Variants in POU2F2 observed in about 807,000 individuals in gnomAD.
The protein encoded by POU2F2 is POU class 2 homeobox 2, also known as POU domain, class 2, transcription factor 2.
In POU2F2, 14 loss-of-function variants were observed where a neutral mutation model predicts 63.5. That is an observed-to-expected ratio of 0.22 (90% CI 0.15 to 0.34). POU2F2 has a LOEUF of 0.34. POU2F2 is among the 10% of genes least tolerant of loss of function. POU2F2 has a pLI of 1.00. For synonymous variants in POU2F2, 306 were observed against 348.6 expected (o/e 0.88, Z 1.36); for missense variants, 607 against 815.2 (o/e 0.74, Z 3.11).
In POU2F2 at chr19:42,091,215, AGGCAGGGACCAG is replaced by A. The variant is rs537463601; in HGVS notation, c.*30_*41del. 37 of 1,490,020 alleles carry A rather than the reference AGGCAGGGACCAG, an allele frequency of 2.5e-5. No homozygotes were observed. In the East Asian group the frequency reaches 9.1e-4, roughly 37 times the overall value. 92.3% of individuals were successfully genotyped at this position (1,490,020 alleles called of 1,614,324 possible). On this transcript the variant is annotated 3_prime_UTR_variant, in exon 15 of 15. Transcript: ENST00000692977. Reference sequence around the variant, plus strand: ...CGCCCTCTTCCCAGGCAAGGGACCAAGGCAGGGACCAGAGGAATGGGAGGGGAGGCATGGCTG... The same window carrying A: ...CGCCCTCTTCCCAGGCAAGGGACCAAAGGAATGGGAGGGGAGGCATGGCTG...
intron 1 of POU2F2, among the ~76,000 whole-genome samples, chr19:42,175,360 C>T (rs1010219527): frequency 2.6e-5 from 4 of 152,132 alleles, no homozygotes; most frequent in Admixed American, 6.5e-5. Context: ...CTTTCCCTGG[C>T]ACCCTGTTGA....
intron 1 of POU2F2, among the ~76,000 whole-genome samples, chr19:42,192,112 A>T (rs536882720): frequency 1.3e-5 from 2 of 152,294 alleles, no homozygotes; most frequent in East Asian, 3.9e-4. Context: ...GGATGACTAA[A>T]GTGGGATGAA....
At chr19:42,124,243 A>G (rs1459488594) in intron 1 of POU2F2, among the ~76,000 whole-genome samples, 2 of 151,336 alleles carry the variant, frequency 1.3e-5, no homozygotes, top group African/African-American at 4.9e-5. Flanking sequence ...GGTCAAGGCT[A>G]CAGTGAGCTG....
At chr19:42,190,983 C>T (rs1025193146) in intron 1 of POU2F2, among the ~76,000 whole-genome samples, 3 of 150,768 alleles carry the variant, frequency 2.0e-5, no homozygotes, top group African/African-American at 4.9e-5. Context: ...ACAAGAATCA[C>T]GTGAACCCAA....
chr19:42,093,704 C>T, intron 12 of POU2F2, 125 bp downstream of exon 12: 1 of 948,236 alleles, frequency 1.1e-6, no homozygotes, highest in African/African-American at 1.6e-5. Flanking sequence ...TCTCCCATTC[C>T]CCCACCCACA....
Position 42,173,602 on chromosome 19 carries a change from G to A in POU2F2, c.-70+2361C>T, listed in dbSNP as rs145227966. ...ACCTGGCCAGCATGCTGTCTAGGACGTATAGGCTAACAACCTCTACACACA... is the reference window on the plus strand; with the variant it reads ...ACCTGGCCAGCATGCTGTCTAGGACATATAGGCTAACAACCTCTACACACA... On this transcript the variant is annotated intron_variant, in intron 1 of 6. Transcript: ENST00000524801. 1.8e-4 allele frequency among the ~76,000 whole-genome samples: 27 copies of A among 150,178 alleles called. No homozygotes were observed. In the East Asian group the frequency reaches 5.3e-3, roughly 29 times the overall value.
upstream of POU2F2, among the ~76,000 whole-genome samples, chr19:42,179,196 A>AG (rs942820868): frequency 6.6e-6 from 1 of 151,618 alleles, no homozygotes; most frequent in Non-Finnish European, 1.5e-5. Context: ...GGAAGCACCA[A>AG]GGGGGAAAGG....
upstream of POU2F2, chr19:42,133,560 TG>T (rs2033905243): frequency 6.5e-6 from 1 of 154,332 alleles, no homozygotes. The surrounding 1 kb of genome is among the most constrained non-coding windows in gnomAD (Gnocchi z 5.1). Context: ...AAACCACAGG[TG>T]CATGCACAGA....
intron 7 of POU2F2, 149 bp downstream of exon 7, chr19:42,099,378 G>A (rs2077042039): frequency 1.4e-6 from 1 of 695,576 alleles, no homozygotes; most frequent in Non-Finnish European, 2.5e-6. Context: ...AGGGAGATGG[G>A]CTTGCCTGAG....
At chr19:42,186,240 G>A (rs1322889931) in intron 1 of POU2F2, among the ~76,000 whole-genome samples, 1 of 152,070 alleles carries the variant, frequency 6.6e-6, no homozygotes, top group African/African-American at 2.4e-5. Flanking sequence ...CAGGAGAATG[G>A]TGTGAACCCG....
rs1038621993 is a variant in POU2F2, at chr19:42,096,285, C to T, written c.568-42G>A. 1 of 1,494,904 alleles carries T rather than the reference C, an allele frequency of 6.7e-7. No homozygotes were observed. The highest frequency in any genetic ancestry group is 8.9e-7 in the Non-Finnish European group (1 of 1,119,864). 92.6% of individuals were successfully genotyped at this position (1,494,904 alleles called of 1,614,324 possible). Reference sequence around the variant, plus strand: ...GTGGGTGGGATGCAGGGCGGAGGACCAGGATGGGGCTCAGCGATGGGTGCA... The same window carrying T: ...GTGGGTGGGATGCAGGGCGGAGGACTAGGATGGGGCTCAGCGATGGGTGCA... On this transcript the variant is annotated intron_variant, in intron 7 of 14. Coordinates refer to ENST00000692977, the MANE Select transcript of POU2F2 (RefSeq NM_001394376.1). This position sits in a 1 kb window ranked among gnomAD's most constrained non-coding sequence, Gnocchi z 4.1.
At chr19:42,121,617 G>A (rs78341076) in intron 4 of POU2F2, among the ~76,000 whole-genome samples, 1,959 of 152,288 alleles carry the variant, frequency 0.013, 20 homozygotes, top group Non-Finnish European at 0.021. Flanking sequence ...GACCAGGCTG[G>A]AGGGTGGAGA....
intron 5 of POU2F2, among the ~76,000 whole-genome samples, chr19:42,107,759 C>A (rs1347691967): frequency 1.3e-5 from 2 of 152,108 alleles, no homozygotes; most frequent in East Asian, 3.8e-4. Flanking sequence ...GAGTCCAAGT[C>A]CCTGTTTTAA....
At chr19:42,177,667 G>C (rs897370046), upstream of POU2F2, among the ~76,000 whole-genome samples, 1 of 149,742 alleles carries the variant, frequency 6.7e-6, no homozygotes, top group Non-Finnish European at 1.5e-5. Context: ...GAGACACACG[G>C]ACACACAGAG....
rs901052908 is a variant in POU2F2 at position 42,086,712 on chromosome 19, C to G, written c.*4545G>C. The G allele has an allele frequency of 6.6e-6, 1 of 152,132 alleles. No homozygotes were observed. The highest frequency in any genetic ancestry group is 1.5e-5 in the Non-Finnish European group (1 of 68,058). The allele number at this position is 152,132 out of a possible 1,614,324, so 9.4% of individuals were successfully genotyped here. A position where few individuals can be genotyped will look rare whatever the true frequency, so the allele number is the denominator to read the frequency against. ...CTCTACGAGTTGCCGAGAGAGGCCCCCAGTCACCCTGCAATTATATAAATA... is the reference window on the plus strand; with the variant it reads ...CTCTACGAGTTGCCGAGAGAGGCCCGCAGTCACCCTGCAATTATATAAATA... On this transcript the variant is annotated 3_prime_UTR_variant, in exon 15 of 15. Transcript: ENST00000692977.
In POU2F2 at chr19:42,088,238, T is replaced by C. The variant is rs974335337; in HGVS notation, c.*3019A>G. 1 of 152,286 alleles carries C rather than the reference T, an allele frequency of 6.6e-6. No individual in the cohort carries two copies. Among genetic ancestry groups the C allele is most frequent in the African/African-American group, 2.4e-5 (1 of 41,462 alleles). The allele number at this position is 152,286 out of a possible 1,614,324, so 9.4% of individuals were successfully genotyped here. On this transcript the variant is annotated 3_prime_UTR_variant, in exon 15 of 15. Transcript: ENST00000692977. ...AGTTAAAGCTTGGGATTTGGTTATT[T>C]TTCCCCCTCCCAGGAATTTTTTTTT...
rs372110956 is a variant in POU2F2 at position 42,099,462 on chromosome 19, G to A, written c.567+65C>T. On this transcript the variant is annotated intron_variant, in intron 7 of 14. Coordinates refer to ENST00000692977, the MANE Select transcript of POU2F2 (RefSeq NM_001394376.1). ...AGACTCTCACTCATCCCCCACCCCC[G>A]TTTACCCAGCTTTCAGCAGGCCTTG... 4.2e-4 allele frequency: 597 copies of A among 1,429,836 alleles called. 9 individuals are homozygous for A. The South Asian group carries it at 5.7e-3, about 14-fold the overall frequency. The allele number at this position is 1,429,836 out of a possible 1,614,324, so 88.6% of individuals were successfully genotyped here.
chr19:42,096,240 C>G lies in POU2F2; in HGVS notation c.571G>C (p.Val191Leu). The G allele has an allele frequency of 8.0e-7, 1 of 1,251,032 alleles. No individual in the cohort carries two copies. The highest frequency in any genetic ancestry group is 1.1e-6 in the Non-Finnish European group (1 of 903,780). The allele number at this position is 1,251,032 out of a possible 1,614,324, so 77.5% of individuals were successfully genotyped here. The change falls in exon 8 of 15, where the codon GTG becomes CTG. Residue 191 changes from valine to leucine, a missense_variant. Val to Leu is a conservative substitution (Grantham distance 32). Around this residue, in one of 7 missense-constraint regions of POU2F2, gnomAD observed 224 missense variants for 264.3 expected, o/e 0.85. Coordinates refer to ENST00000692977, the MANE Select transcript of POU2F2 (RefSeq NM_001394376.1). This position sits in a 1 kb window ranked among gnomAD's most constrained non-coding sequence, Gnocchi z 4.1. ...GGGTCGGGCAGCGTAGGGCGGGTCACGGCCTGGTGGGGTGGGCAGGTGGGT... is the reference window on the plus strand; with the variant it reads ...GGGTCGGGCAGCGTAGGGCGGGTCAGGGCCTGGTGGGGTGGGCAGGTGGGT... ...QPRAGLPTQA[V>L]TRPTLPDPHL...
chr19:42,091,604 G>A lies in POU2F2; in HGVS notation c.1541-13C>T. 1 of 1,542,394 alleles carries A rather than the reference G, an allele frequency of 6.5e-7. No homozygotes were observed. The highest frequency in any genetic ancestry group is 1.2e-5 in the South Asian group (1 of 81,782). ...CCAGAGGCCAGGGCTGGCGGGGAGA[G>A]AGAGAGGCTGGGCTAAGGGCATGCC... is the stretch of plus-strand genomic sequence containing the variant. On this transcript the variant is annotated splice_polypyrimidine_tract_variant and intron_variant, in intron 14 of 14. Coordinates refer to ENST00000692977, the MANE Select transcript of POU2F2 (RefSeq NM_001394376.1).
Sources: gnomAD v4.1 joint callset for allele counts (sites outside exome capture counted in the v4.1 genomes callset) on GRCh38, gnomAD v4.1.1 for gene constraint, gnomAD v4.1.1 regional missense constraint, Gnocchi (gnomAD v3.1) non-coding constraint, MANE v1.5 for transcripts, NCBI Gene and HGNC (gene_info 2026-07-23, HGNC 2026-07-21) for gene names.